Variants in GPHN observed in about 807,000 individuals in gnomAD.
The protein encoded by GPHN is gephyrin.
In GPHN, 17 loss-of-function variants were observed where a neutral mutation model predicts 95.5. The ratio of observed to expected loss-of-function variants is 0.18; its 90% CI spans 0.12 to 0.27. GPHN has a LOEUF of 0.27. Among genes scored for constraint, GPHN ranks in the 10% least tolerant of loss-of-function variants. GPHN has a pLI of 1.00. For synonymous variants in GPHN, 320 were observed against 322.5 expected (o/e 0.99, Z 0.08); for missense variants, 660 against 978.1 (o/e 0.67, Z 4.34).
chr14:67,693,216 CA>C, the GPHN span, among the ~76,000 whole-genome samples: 1 of 152,200 alleles, frequency 6.6e-6, no homozygotes, highest in Non-Finnish European at 1.5e-5. Context: ...GGAAAGATGA[CA>C]AAAGTTTTCT....
At chr14:67,394,921 C>A in the GPHN span, among the ~76,000 whole-genome samples, 1 of 152,204 alleles carries the variant, frequency 6.6e-6, no homozygotes, top group Non-Finnish European at 1.5e-5. Flanking sequence ...TGATGCCCTG[C>A]ACTGCCTCAG....
chr14:67,536,518 G>C, the GPHN span, among the ~76,000 whole-genome samples: 2 of 151,782 alleles, frequency 1.3e-5, no homozygotes, highest in African/African-American at 4.9e-5. Flanking sequence ...AAGCCCCGTT[G>C]CCTTCCAATG....
chr14:67,177,325 T>G (rs1055991408), intron 21 of GPHN, among the ~76,000 whole-genome samples: 24 of 152,244 alleles, frequency 1.6e-4, no homozygotes, highest in African/African-American at 5.8e-4. Flanking sequence ...CTGCCTTCAT[T>G]TCATTATTTA....
intron 1 of GPHN, among the ~76,000 whole-genome samples, 161 bp from the exon 2 acceptor site, chr14:66,680,946 T>G (rs1449829193): frequency 6.6e-6 from 1 of 152,034 alleles, no homozygotes; most frequent in Non-Finnish European, 1.5e-5. Flanking sequence ...TAATATTTGT[T>G]GCTAAATTCA....
At chr14:67,282,543 A>G in the GPHN span, among the ~76,000 whole-genome samples, 1 of 152,168 alleles carries the variant, frequency 6.6e-6, no homozygotes, top group Non-Finnish European at 1.5e-5. Context: ...AATGTATGAT[A>G]ATAAAAGTAC....
At chr14:67,303,379 C>T in the GPHN span, 1 of 634,966 alleles carries the variant, frequency 1.6e-6, no homozygotes, top group Admixed American at 2.7e-5. Context: ...CCATTCATTG[C>T]TTTGGTAGAG....
chr14:66,659,538 T>G (rs1474372664), intron 1 of GPHN, among the ~76,000 whole-genome samples: 1 of 152,106 alleles, frequency 6.6e-6, no homozygotes, highest in Non-Finnish European at 1.5e-5. Flanking sequence ...TCCAACTATG[T>G]TTATGTCTTT....
intron 1 of GPHN, among the ~76,000 whole-genome samples, chr14:66,649,398 G>A (rs1216670709): frequency 3.3e-5 from 5 of 151,786 alleles, no homozygotes; most frequent in Non-Finnish European, 7.4e-5. Context: ...GTAGCAGTCC[G>A]TGACCTGTTG....
At chr14:66,797,632 C>T (rs972711407) in intron 3 of GPHN, among the ~76,000 whole-genome samples, 5 of 151,714 alleles carry the variant, frequency 3.3e-5, no homozygotes, top group Admixed American at 2.6e-4. Flanking sequence ...TCAGATTGTT[C>T]ACTGTTGGCA....
chr14:67,558,547 G>T, the GPHN span, among the ~76,000 whole-genome samples: 2 of 152,102 alleles, frequency 1.3e-5, no homozygotes, highest in Non-Finnish European at 2.9e-5. Context: ...AGCATCTTGG[G>T]GGTTGGTGGA....
At chr14:67,431,391 C>CAAAAAAA in the GPHN span, among the ~76,000 whole-genome samples, 3 of 77,516 alleles carry the variant, frequency 3.9e-5, no homozygotes, top group African/African-American at 4.3e-5. Flanking sequence ...GACTCTGTCT[C>CAAAAAAA]AAAAAAAAAA....
intron 9 of GPHN, among the ~76,000 whole-genome samples, chr14:66,965,639 T>C (rs1413153603): frequency 6.6e-6 from 1 of 152,198 alleles, no homozygotes; most frequent in African/African-American, 2.4e-5. Flanking sequence ...TAAAGTTATT[T>C]GTTTATGCCG....
At chr14:66,849,796 G>A (rs2062500024) in intron 4 of GPHN, among the ~76,000 whole-genome samples, 1 of 151,956 alleles carries the variant, frequency 6.6e-6, no homozygotes, top group South Asian at 2.1e-4. Context: ...GTAAAGAATT[G>A]GTTGTCAAGA....
chr14:67,572,014 C>G, the GPHN span: 2 of 1,468,292 alleles, frequency 1.4e-6, no homozygotes, highest in Non-Finnish European at 1.8e-6. Context: ...GACCCCCCAG[C>G]AGCTCCACCC....
In GPHN at chr14:66,922,587, G is replaced by A. The variant is rs552614595; in HGVS notation, c.457-79G>A. 6.0e-4 allele frequency: 690 copies of A among 1,158,800 alleles called. 6 individuals carry two copies. In the African/African-American group the frequency reaches 8.7e-3, roughly 15 times the overall value. 71.8% of individuals were successfully genotyped at this position (1,158,800 alleles called of 1,614,324 possible). A position where few individuals can be genotyped will look rare whatever the true frequency, so the allele number is the denominator to read the frequency against. On this transcript the variant is annotated intron_variant, in intron 6 of 22. Transcript: ENST00000478722. ...GAGGAAAATGCAAATCCAAAATCAC[G>A]AAACAGTTTGATTGCCACCATCTTA...
Position 66,508,417 on chromosome 14 carries a change from T to G in GPHN, c.-111T>G. The G allele has an allele frequency of 1.0e-6, 1 of 959,754 alleles. No individual in the cohort carries two copies. The highest frequency in any genetic ancestry group is 1.7e-6 in the Non-Finnish European group (1 of 585,664). The allele number at this position is 959,754 out of a possible 1,614,324, so 59.5% of individuals were successfully genotyped here. A position where few individuals can be genotyped will look rare whatever the true frequency, so the allele number is the denominator to read the frequency against. On this transcript the variant is annotated 5_prime_UTR_variant, in exon 1 of 23. Coordinates refer to ENST00000478722, the MANE Select transcript of GPHN (RefSeq NM_020806.5). ...CCTCCTTCCCCGCTCTCCTCGCGCT[T>G]CTCTGGCTCCCTAGCTGTCGCGCTC... is the stretch of plus-strand genomic sequence containing the variant.
chr14:66,567,821 G>GT (rs1042655487), intron 1 of GPHN, among the ~76,000 whole-genome samples: 1 of 151,984 alleles, frequency 6.6e-6, no homozygotes, highest in East Asian at 1.9e-4. Context: ...TTAACTAGGT[G>GT]TTTTTTTGAG....
chr14:67,135,692 T>A (rs1005926179), intron 17 of GPHN, among the ~76,000 whole-genome samples: 1 of 148,718 alleles, frequency 6.7e-6, no homozygotes, highest in Non-Finnish European at 1.5e-5. Context: ...TTTGTTTTGC[T>A]TTTTTTTTTA....
intron 1 of GPHN, among the ~76,000 whole-genome samples, chr14:66,550,327 T>C (rs1021158791): frequency 1.3e-5 from 2 of 152,178 alleles, no homozygotes; most frequent in Non-Finnish European, 2.9e-5. Context: ...CACTGATGGA[T>C]GTGGTGGAAA....
Sources: gnomAD v4.1 joint callset for allele counts (sites outside exome capture counted in the v4.1 genomes callset) on GRCh38, gnomAD v4.1.1 for gene constraint, MANE v1.5 for transcripts, NCBI Gene and HGNC (gene_info 2026-07-23, HGNC 2026-07-21) for gene names.